ULK4: variants seen among roughly 807,000 people sequenced by gnomAD.
ULK4 encodes the protein unc-51 like kinase 4.
Under a neutral mutation model 160.6 loss-of-function variants are expected in ULK4, and 133 were observed. The ratio of observed to expected loss-of-function variants is 0.83; its 90% confidence interval spans 0.72 to 0.96. ULK4 has a LOEUF of 0.96. Among genes scored for constraint, ULK4 ranks in the 40% least tolerant of loss-of-function variants. The probability of loss-of-function intolerance (pLI) is 0.00; values close to 1 mark genes in which losing one functional copy is unlikely to be tolerated. For synonymous variants in ULK4, 534 were observed against 539.8 expected (o/e 0.99, Z 0.15); for missense variants, 1,580 against 1,499.5 (o/e 1.05, Z -0.89).
At position 41,754,763 on chromosome 3, in the gene ULK4, G is replaced by T. The variant is rs189142524; in HGVS notation, c.2194-275C>A. 7.9e-5 allele frequency among the ~76,000 whole-genome samples: 12 copies of T among 152,276 alleles called. No individual in the cohort carries two copies. In the East Asian group the frequency reaches 1.9e-3, roughly 24 times the overall value. On this transcript the variant is annotated intron_variant, in intron 21 of 36. Transcript: ENST00000301831. ...ATTAAGCAATTTACCCAAATTCAGA[G>T]TTGGATAAAATCCAGGCCAGTTGAA...
intron 34 of ULK4, among the ~76,000 whole-genome samples, chr3:41,442,101 T>C (rs1257039205): frequency 6.6e-6 from 1 of 152,220 alleles, no homozygotes; most frequent in Non-Finnish European, 1.5e-5. Context: ...AGTTGGGTCT[T>C]GCTTTCTTGC....
chr3:41,542,872 A>C (rs2125955291), intron 32 of ULK4, among the ~76,000 whole-genome samples: 1 of 152,152 alleles, frequency 6.6e-6, no homozygotes, highest in African/African-American at 2.4e-5. Context: ...GTATCATTAG[A>C]TGCAACTCCA....
intron 35 of ULK4, among the ~76,000 whole-genome samples, chr3:41,376,873 A>G (rs1418897465): frequency 6.7e-6 from 1 of 149,804 alleles, no homozygotes; most frequent in Non-Finnish European, 1.5e-5. Context: ...GGAAAAAACT[A>G]CTTTCAAGTT....
chr3:41,797,080 T>C (rs558631020), intron 20 of ULK4, among the ~76,000 whole-genome samples: 47 of 152,240 alleles, frequency 3.1e-4, no homozygotes, highest in Non-Finnish European at 5.3e-4. Context: ...TCCATGCTGA[T>C]ATGAATACGT....
intron 35 of ULK4, among the ~76,000 whole-genome samples, chr3:41,395,016 T>A (rs1196773979): frequency 1.3e-5 from 2 of 152,110 alleles, no homozygotes; most frequent in Non-Finnish European, 2.9e-5. Context: ...AGGCTATTTC[T>A]GTTATTGTTG....
intron 33 of ULK4, among the ~76,000 whole-genome samples, chr3:41,460,808 T>C (rs1046588109): frequency 1.3e-5 from 2 of 152,138 alleles, no homozygotes; most frequent in Admixed American, 1.3e-4. Flanking sequence ...ATTATATATA[T>C]TTTATTCTCC....
At chr3:41,669,372 C>T (rs1291800948) in intron 29 of ULK4, among the ~76,000 whole-genome samples, 1 of 152,038 alleles carries the variant, frequency 6.6e-6, no homozygotes, top group Non-Finnish European at 1.5e-5. Flanking sequence ...CAGCCCAGGT[C>T]CCTCCCCACT....
chr3:41,721,362 A>ATATATATT (rs1553639902), intron 22 of ULK4, among the ~76,000 whole-genome samples: 23 of 27,948 alleles, frequency 8.2e-4, no homozygotes, highest in Admixed American at 2.0e-3. Flanking sequence ...ATATATATAT[A>ATATATATT]TTTTTTTTTT....
At chr3:41,866,727 T>C (rs1228655373) in intron 17 of ULK4, among the ~76,000 whole-genome samples, 4 of 152,002 alleles carry the variant, frequency 2.6e-5, no homozygotes, top group African/African-American at 9.7e-5. Flanking sequence ...CATATGTGTG[T>C]TGAATTCATC....
chr3:41,808,062 G>A lies in ULK4; in HGVS notation c.1849-7769C>T, dbSNP rs147372658. 2.0e-4 allele frequency among the ~76,000 whole-genome samples: 30 copies of A among 152,184 alleles called. No individual in the cohort carries two copies. In the East Asian group the frequency reaches 2.3e-3, roughly 12 times the overall value. On this transcript the variant is annotated intron_variant, in intron 19 of 36. Transcript: ENST00000301831. ...TGGACAGGTACCCTACTTGGAGACCGCTGCTGTGTCTGGGGAATGCTAAGC... is the reference window on the plus strand; with the variant it reads ...TGGACAGGTACCCTACTTGGAGACCACTGCTGTGTCTGGGGAATGCTAAGC...
At chr3:41,444,897 A>T (rs1337713811) in intron 34 of ULK4, among the ~76,000 whole-genome samples, 1 of 152,146 alleles carries the variant, frequency 6.6e-6, no homozygotes, top group Non-Finnish European at 1.5e-5. Context: ...AGAAAGAAAT[A>T]AAGGGTATTC....
chr3:41,250,930 G>A (rs144602758), intron 35 of ULK4: 3 of 152,220 alleles, frequency 2.0e-5, no homozygotes, highest in African/African-American at 2.4e-5. Context: ...TACACTGAAG[G>A]TACACTCCCC....
At chr3:41,944,663 A>C (rs1559667647) in intron 2 of ULK4, among the ~76,000 whole-genome samples, 1 of 151,960 alleles carries the variant, frequency 6.6e-6, no homozygotes, top group Non-Finnish European at 1.5e-5. Flanking sequence ...GGCTGGTTTC[A>C]AACTCCTGGC....
intron 8 of ULK4, 96 bp from the exon 9 acceptor site, chr3:41,912,995 G>T: frequency 9.8e-7 from 1 of 1,015,800 alleles, no homozygotes; most frequent in South Asian, 1.4e-5. Context: ...GATTTTACAA[G>T]GTACACATGT....
intron 30 of ULK4, among the ~76,000 whole-genome samples, chr3:41,659,364 T>C (rs750981836): frequency 2.0e-5 from 3 of 152,272 alleles, no homozygotes; most frequent in Non-Finnish European, 4.4e-5. Context: ...ATTTGTGCAA[T>C]GGAAAGCCAA....
intron 35 of ULK4, among the ~76,000 whole-genome samples, chr3:41,331,100 G>A (rs1358954863): frequency 2.0e-5 from 3 of 152,194 alleles, no homozygotes; most frequent in African/African-American, 7.2e-5. Context: ...TTGGGTGAAA[G>A]AAGGCAGCTA....
intron 31 of ULK4, among the ~76,000 whole-genome samples, chr3:41,576,230 ACT>A (rs1157019012): frequency 7.9e-5 from 12 of 152,158 alleles, no homozygotes; most frequent in Admixed American, 7.9e-4. Context: ...AACTAATGTC[ACT>A]CTTAAAAATT....
At chr3:41,407,068 T>C (rs1450496391) in intron 34 of ULK4, among the ~76,000 whole-genome samples, 1 of 152,112 alleles carries the variant, frequency 6.6e-6, no homozygotes, top group African/African-American at 2.4e-5. Context: ...GACAAGTTTA[T>C]AGGACAAGGC....
intron 35 of ULK4, among the ~76,000 whole-genome samples, chr3:41,291,239 A>T (rs2079554802): frequency 6.6e-6 from 1 of 151,708 alleles, no homozygotes. Context: ...AAATGTATAC[A>T]GGGTTATTAT....
Sources: gnomAD v4.1 joint callset for allele counts (sites outside exome capture counted in the v4.1 genomes callset) on GRCh38, gnomAD v4.1.1 for gene constraint, MANE v1.5 for transcripts, NCBI Gene and HGNC (gene_info 2026-07-23, HGNC 2026-07-21) for gene names.